ZAN: variants seen among roughly 807,000 people sequenced by gnomAD.
The protein encoded by ZAN is zonadhesin (gene/pseudogene).
A neutral mutation model predicts 286.2 loss-of-function variants in ZAN; 260 were observed. The observed-to-expected ratio is 0.91, with a 90% CI of 0.82 to 1.01. The LOEUF is 1.01. Among genes scored for constraint, ZAN ranks in the 50% least tolerant of loss-of-function variants. The pLI, the probability that ZAN is intolerant of heterozygous loss-of-function variation, is 0.00. For missense variants in ZAN, 3,410 were observed against 3,639.2 expected (o/e 0.94, Z 1.62); for synonymous variants, 1,368 against 1,417.5 (o/e 0.97, Z 0.79).
rs1807341704 is a variant in ZAN, at chr7:100,736,910, T to C, written c.355T>C (p.Phe119Leu). Residue 119 changes from phenylalanine to leucine, a missense_variant, in exon 5 of 48, where the codon TTT (phenylalanine) becomes CTT (leucine). By Grantham distance (22) the Phe-to-Leu change is conservative (BLOSUM62 0). Transcript: ENST00000613979. ...GGAGCAAGGCCCCCTCTGTGTGCAC[T>C]TTGCCCACCACATGTTCGGGCTGTC... ...LWEQGPLCVH[F>L]AHHMFGLSWG... The C allele has an allele frequency of 6.7e-7, 1 of 1,493,718 alleles. No individual in the cohort carries two copies. Among genetic ancestry groups the C allele is most frequent in the African/African-American group, 1.4e-5 (1 of 70,624 alleles). 92.5% of individuals were successfully genotyped at this position (1,493,718 alleles called of 1,614,324 possible). A position where few individuals can be genotyped will look rare whatever the true frequency, so the allele number is the denominator to read the frequency against.
Position 100,787,894 on chromosome 7 carries a change from G to A in ZAN, c.6985G>A (p.Glu2329Lys). ...SNSNCVSDKS[E>K]QCSVYGDPRY... Reference sequence around the variant, plus strand: ...ACTGTCTGACTTCTTGGCAGAGTCTGAACAATGCTCAGTCTATGGCGACCC... The same window carrying A: ...ACTGTCTGACTTCTTGGCAGAGTCTAAACAATGCTCAGTCTATGGCGACCC... Residue 2329 changes from glutamate (E) to lysine (K), a missense_variant, in exon 38 of 48, where the codon GAA becomes AAA. Glu to Lys is a moderately conservative substitution (Grantham distance 56, BLOSUM62 1). Coordinates refer to ENST00000613979, the MANE Select transcript of ZAN (RefSeq NM_003386.3). 1 of 1,556,228 alleles carries A rather than the reference G, an allele frequency of 6.4e-7. No individual in the cohort carries two copies. Among genetic ancestry groups the A allele is most frequent in the Non-Finnish European group, 8.8e-7 (1 of 1,142,118 alleles).
rs116793188 is a variant in ZAN at position 100,736,801 on chromosome 7, T to A, written c.254-8T>A. Reference sequence around the variant, plus strand: ...GGGCCTCAGTGTCTTGGGCTCTGCCTCCCCCAGAGGGCAGCTATCTGCATA... The same window carrying A: ...GGGCCTCAGTGTCTTGGGCTCTGCCACCCCCAGAGGGCAGCTATCTGCATA... On this transcript the variant is annotated splice_region_variant and splice_polypyrimidine_tract_variant and intron_variant, in intron 4 of 47. Coordinates refer to ENST00000613979, the MANE Select transcript of ZAN (RefSeq NM_003386.3). 740 of 1,467,404 alleles carry A rather than the reference T, an allele frequency of 5.0e-4. 104 individuals are homozygous for A. In the African/African-American group the frequency reaches 9.9e-3, roughly 20 times the overall value. 90.9% of individuals were successfully genotyped at this position (1,467,404 alleles called of 1,614,324 possible).
At chr7:100,780,021 C>T (rs550392141) in intron 35 of ZAN, among the ~76,000 whole-genome samples, 1 of 151,974 alleles carries the variant, frequency 6.6e-6, no homozygotes, top group South Asian at 2.1e-4. Flanking sequence ...ATGGTGAAAC[C>T]CCATCCTACT....
intron 37 of ZAN, among the ~76,000 whole-genome samples, chr7:100,786,690 C>A (rs1198706308): frequency 6.6e-6 from 1 of 152,088 alleles, no homozygotes; most frequent in Non-Finnish European, 1.5e-5. Context: ...GGATTACAGG[C>A]ATGAGCCACT....
chr7:100,751,384 C>A, intron 13 of ZAN, 118 bp downstream of exon 13: 1 of 730,864 alleles, frequency 1.4e-6, no homozygotes, highest in South Asian at 2.8e-5. Flanking sequence ...ACCCAGCTGG[C>A]TTTGTTTTCC....
chr7:100,791,488 C>T (rs1340280099), intron 40 of ZAN, among the ~76,000 whole-genome samples: 1 of 151,174 alleles, frequency 6.6e-6, no homozygotes, highest in Admixed American at 6.6e-5. Context: ...CTCACTGCAA[C>T]CTCTGCCTCC....
chr7:100,764,128 C>G lies in ZAN; in HGVS notation c.4199C>G (p.Ser1400Cys). The G allele has an allele frequency of 6.2e-7, 1 of 1,611,394 alleles. No homozygotes were observed. The highest frequency in any genetic ancestry group is 8.5e-7 in the Non-Finnish European group (1 of 1,178,660). The change falls in exon 22 of 48, where the codon TCC (serine) becomes TGC (cysteine). Residue 1400 changes from serine (S) to cysteine (C), a missense_variant. Ser to Cys is a moderately radical substitution (Grantham distance 112). Transcript: ENST00000613979. ...GLQHLLCTHM[S>C]TMTTTCQDAG... ...CAGCACCTGCTGTGCACACACATGT[C>G]CACCATGACCACCACCTGCCAGGAC...
Position 100,762,218 on chromosome 7 carries a change from A to G in ZAN, c.3846A>G (p.Thr1282=). 10 of 1,612,860 alleles carry G rather than the reference A, an allele frequency of 6.2e-6. No homozygotes were observed. The highest frequency in any genetic ancestry group is 8.5e-6 in the Non-Finnish European group (10 of 1,179,364). ...AGCTCCTCTCCTGTTCCCCTAGCAC[A>G]TACTCTGGCAAACTCTGTGGTTTGT... ...DQQLYVTVSS[T]YSGKLCGLCG... Residue 1282 remains threonine, a synonymous_variant, in exon 20 of 48, where the codon ACA becomes ACG. Coordinates refer to ENST00000613979, the MANE Select transcript of ZAN (RefSeq NM_003386.3).
chr7:100,760,100 T>C (rs1377516475), intron 18 of ZAN, among the ~76,000 whole-genome samples: 1 of 152,020 alleles, frequency 6.6e-6, no homozygotes, highest in Admixed American at 6.6e-5. Flanking sequence ...TGTTGTCCCC[T>C]CTACTCCAGA....
intron 29 of ZAN, among the ~76,000 whole-genome samples, chr7:100,772,574 C>T (rs570960172): frequency 1.8e-4 from 28 of 152,162 alleles, no homozygotes; most frequent in African/African-American, 3.9e-4. Context: ...GTAATCCCAG[C>T]ACTTTGGGAG....
intron 39 of ZAN, among the ~76,000 whole-genome samples, chr7:100,790,153 A>G (rs1811843326): frequency 6.6e-6 from 1 of 152,052 alleles, no homozygotes; most frequent in South Asian, 2.1e-4. Flanking sequence ...AATCCCAGCT[A>G]CTGGAAAGGC....
chr7:100,748,329 T>A lies in ZAN; in HGVS notation c.1108T>A (p.Phe370Ile). ...ATSIAPCGEGFPQCDFEDNAH... is the reference protein window; with the variant it reads ...ATSIAPCGEGIPQCDFEDNAH... ...ATCCTATTTTGATCCCCCAGAGGGT[T>A]TTCCTCAGTGTGACTTTGAAGACAA... The change falls in exon 11 of 48, where the codon TTT becomes ATT. Residue 370 changes from phenylalanine (F) to isoleucine (I), a missense_variant. Transcript: ENST00000613979. 1.2e-6 allele frequency: 2 copies of A among 1,613,908 alleles called. No individual in the cohort carries two copies. Among genetic ancestry groups the A allele is most frequent in the Non-Finnish European group, 1.7e-6 (2 of 1,179,894 alleles).
chr7:100,763,696 C>T lies in ZAN; in HGVS notation c.3987-110C>T, dbSNP rs1809743040. ...ACATCCTCTGGGAGGGGTTTCCCAG[C>T]TGACAGGCTGGTTTGCCGGTCCCGG... is the stretch of plus-strand genomic sequence containing the variant. On this transcript the variant is annotated intron_variant, in intron 20 of 47. Transcript: ENST00000613979. This position sits in a 1 kb window ranked among gnomAD's most constrained non-coding sequence, Gnocchi z 4.6. 5 of 1,098,230 alleles carry T rather than the reference C, an allele frequency of 4.6e-6. No homozygotes were observed. The East Asian group carries it at 1.2e-4, about 26-fold the overall frequency. The allele number at this position is 1,098,230 out of a possible 1,614,324, so 68.0% of individuals were successfully genotyped here. A position where few individuals can be genotyped will look rare whatever the true frequency, so the allele number is the denominator to read the frequency against.
Position 100,797,774 on chromosome 7 carries a change from A to G in ZAN, c.*42A>G. Reference sequence around the variant, plus strand: ...CTGTCTTCAGACAAGAAGATTAAATAAATTTATATATTTATTTATTTGAGA... The same window carrying G: ...CTGTCTTCAGACAAGAAGATTAAATGAATTTATATATTTATTTATTTGAGA... On this transcript the variant is annotated 3_prime_UTR_variant, in exon 48 of 48. Coordinates refer to ENST00000613979, the MANE Select transcript of ZAN (RefSeq NM_003386.3). 4.4e-6 allele frequency: 7 copies of G among 1,600,810 alleles called. No individual in the cohort carries two copies. The highest frequency in any genetic ancestry group is 2.3e-5 in the East Asian group (1 of 44,362).
intron 31 of ZAN, among the ~76,000 whole-genome samples, chr7:100,774,530 TA>T (rs1371753194): frequency 2.6e-5 from 4 of 151,806 alleles, no homozygotes; most frequent in African/African-American, 9.7e-5. Flanking sequence ...GCTAAAAAGT[TA>T]AAAAGTAAAA....
intron 14 of ZAN, 51 bp downstream of exon 14, chr7:100,753,280 T>C: frequency 6.6e-7 from 1 of 1,509,874 alleles, no homozygotes; most frequent in South Asian, 1.3e-5. Context: ...AGACAATGAC[T>C]AGGAGACAGT....
At position 100,752,090 on chromosome 7, in the gene ZAN, C is replaced by T. The variant is rs778320807; in HGVS notation, c.1985C>T (p.Thr662Ile). 3.7e-6 allele frequency: 6 copies of T among 1,612,624 alleles called. No individual in the cohort carries two copies. The highest frequency in any genetic ancestry group is 1.7e-5 in the Admixed American group (1 of 59,810). The change falls in exon 14 of 48, where the codon ACC becomes ATC. Residue 662 changes from threonine (T) to isoleucine (I), a missense_variant. Transcript: ENST00000613979. ...CCCACCGTCCCCACAGAAGAGCCCA[C>T]CACCCCCACTGAGGAGACCACCACC... Reference protein sequence around the residue: ...EKPTVPTEEPTTPTEETTTSM... With the variant: ...EKPTVPTEEPITPTEETTTSM...
At chr7:100,772,132 TG>T in intron 29 of ZAN, 112 bp downstream of exon 29, 8 of 1,332,054 alleles carry the variant, frequency 6.0e-6, no homozygotes, top group Non-Finnish European at 7.9e-6. Context: ...CTCACTCTGT[TG>T]CCCAGGCTGG....
intron 22 of ZAN, among the ~76,000 whole-genome samples, chr7:100,764,667 T>C (rs1213929862): frequency 7.1e-6 from 1 of 141,166 alleles, no homozygotes. Context: ...CCAGCCTGGG[T>C]GACAGAATGA....
Sources: gnomAD v4.1 joint callset for allele counts (sites outside exome capture counted in the v4.1 genomes callset) on GRCh38, gnomAD v4.1.1 for gene constraint, Gnocchi (gnomAD v3.1) non-coding constraint, MANE v1.5 for transcripts, NCBI Gene and HGNC (gene_info 2026-07-23, HGNC 2026-07-21) for gene names.